NDC80: variants seen among roughly 807,000 people sequenced by gnomAD.
NDC80 encodes the protein NDC80 kinetochore complex component.
A neutral mutation model predicts 89.3 loss-of-function variants in NDC80; 69 were observed. The ratio of observed to expected loss-of-function variants is 0.77; its 90% CI spans 0.64 to 0.94. The LOEUF (loss-of-function observed/expected upper bound fraction) is 0.94. Ranked by LOEUF, NDC80 falls within the 40% of genes least tolerant of loss-of-function variation. The probability of loss-of-function intolerance (pLI) is 0.00; values close to 1 mark genes in which losing one functional copy is unlikely to be tolerated. For synonymous variants in NDC80, 243 were observed against 255.6 expected, an observed-to-expected ratio of 0.95 and a Z score of 0.47; for missense variants, 593 against 739.6, an observed-to-expected ratio of 0.80 and a Z score of 2.30.
At chr18:2,604,087 A>T (rs2072698165) in intron 13 of NDC80, among the ~76,000 whole-genome samples, 2 of 152,234 alleles carry the variant, frequency 1.3e-5, no homozygotes, top group Admixed American at 1.3e-4. Context: ...TTGAGTGCTT[A>T]TGTGCCTAGT....
At chr18:2,605,752 C>G (rs2072708230) in intron 13 of NDC80, among the ~76,000 whole-genome samples, 1 of 151,962 alleles carries the variant, frequency 6.6e-6, no homozygotes, top group Non-Finnish European at 1.5e-5. Flanking sequence ...ATACATTTTA[C>G]TCTTTTGTGT....
intron 16 of NDC80, among the ~76,000 whole-genome samples, chr18:2,612,276 CTTTTTTTTTTTTTTTTTT>C (rs55648444): frequency 9.9e-5 from 6 of 60,402 alleles, no homozygotes; most frequent in Non-Finnish European, 1.7e-4. Context: ...TCTTTTCTTT[CTTTTTTTTTTTTTTTTTT>C]TTTTTTTTTT....
At chr18:2,603,597 A>G (rs1568009277) in intron 13 of NDC80, among the ~76,000 whole-genome samples, 1 of 151,916 alleles carries the variant, frequency 6.6e-6, no homozygotes, top group Non-Finnish European at 1.5e-5. Context: ...AGTATTTTAA[A>G]ATAATTGCCA....
chr18:2,613,280 C>A (rs1428030009), intron 16 of NDC80, among the ~76,000 whole-genome samples: 3 of 152,334 alleles, frequency 2.0e-5, no homozygotes, highest in South Asian at 4.1e-4. Context: ...ATCTAGACTG[C>A]CAAGCCTAAA....
intron 10 of NDC80, among the ~76,000 whole-genome samples, chr18:2,592,510 C>T (rs752767002): frequency 6.6e-6 from 1 of 151,886 alleles, no homozygotes; most frequent in Non-Finnish European, 1.5e-5. Context: ...AGTGCACCAT[C>T]ATGCCCAGCT....
At chr18:2,593,443 A>T (rs2072638065) in intron 10 of NDC80, among the ~76,000 whole-genome samples, 1 of 152,218 alleles carries the variant, frequency 6.6e-6, no homozygotes, top group Non-Finnish European at 1.5e-5. Context: ...TTCACAGTGT[A>T]CTTTTACCTC....
At chr18:2,584,287 C>CAA (rs11297697) in intron 6 of NDC80, among the ~76,000 whole-genome samples, 11 of 98,404 alleles carry the variant, frequency 1.1e-4, no homozygotes, top group Non-Finnish European at 2.2e-4. Context: ...GACTCCGTCT[C>CAA]AAAAAAAAAA....
chr18:2,581,705 G>A (rs1761260403), intron 6 of NDC80, among the ~76,000 whole-genome samples: 1 of 152,132 alleles, frequency 6.6e-6, no homozygotes, highest in South Asian at 2.1e-4. Context: ...TCACTAGTAT[G>A]TTCTTAATTA....
chr18:2,601,127 G>GT (rs2072681973), intron 12 of NDC80, among the ~76,000 whole-genome samples: 1 of 152,154 alleles, frequency 6.6e-6, no homozygotes, highest in African/African-American at 2.4e-5. Context: ...CTTGTAAAAT[G>GT]TTTAAATAAT....
intron 13 of NDC80, 52 bp downstream of exon 13, chr18:2,601,537 C>A: frequency 3.6e-6 from 3 of 831,110 alleles, no homozygotes; most frequent in South Asian, 2.6e-5. Flanking sequence ...GATTTTAAAA[C>A]CTAAAATTAA....
At position 2,616,620 on chromosome 18, in the gene NDC80, G is replaced by A; in HGVS notation, c.*46G>A. The stretch of plus-strand genomic sequence containing the variant: ...ATATATATCCATAGTGAATAAAATT[G>A]TCTCAGTAAAGTGTATTTTTCTCTC... On this transcript the variant is annotated 3_prime_UTR_variant, in exon 17 of 17. Transcript: ENST00000261597. 9.1e-7 allele frequency: 1 copy of A among 1,095,928 alleles called. No individual in the cohort carries two copies. Among genetic ancestry groups the A allele is most frequent in the African/African-American group, 1.6e-5 (1 of 61,954 alleles). The allele number at this position is 1,095,928 out of a possible 1,614,324, so 67.9% of individuals were successfully genotyped here.
chr18:2,596,769 A>G (rs1282648711), intron 11 of NDC80, among the ~76,000 whole-genome samples: 2 of 151,930 alleles, frequency 1.3e-5, no homozygotes, highest in Non-Finnish European at 2.9e-5. Flanking sequence ...AAGACTTGGA[A>G]CCAACCCAAA....
chr18:2,614,586 A>G (rs1296529430), intron 16 of NDC80: 3 of 2,910 alleles, frequency 1.0e-3, no homozygotes, highest in Admixed American at 5.3e-3. Flanking sequence ...AGAAAGAAAG[A>G]AAGAAAGAAA....
rs60997707 is a variant in NDC80 at position 2,603,356 on chromosome 18, C to CATATATATATATATAT, written c.1464+1879_1464+1894dup. Among the ~76,000 whole-genome samples the CATATATATATATATAT allele has an allele frequency of 2.4e-3, 285 of 120,754 alleles. 7 individuals are homozygous for CATATATATATATATAT. Among genetic ancestry groups the CATATATATATATATAT allele is most frequent in the African/African-American group, 5.3e-3 (162 of 30,644 alleles). The allele number at this position is 120,754 out of a possible 152,430, so 79.2% of individuals were successfully genotyped here. A position where few individuals can be genotyped will look rare whatever the true frequency, so the allele number is the denominator to read the frequency against. On this transcript the variant is annotated intron_variant, in intron 13 of 16. Transcript: ENST00000261597. ...AACAACAGAAGAGAATATGTTTATA[C>CATATATATATATATAT]ATATATATATATATATATATATACA...
Position 2,589,311 on chromosome 18 carries a change from G to T in NDC80, c.870+1G>T. The T allele has an allele frequency of 1.2e-6, 2 of 1,605,166 alleles. No individual in the cohort carries two copies. Among genetic ancestry groups the T allele is most frequent in the Non-Finnish European group, 1.7e-6 (2 of 1,172,226 alleles). ...GGAACAAGAAAGAGAAAAAGAACCG[G>T]TTAGTAAACATGTTTACACACTTAC... is the stretch of plus-strand genomic sequence containing the variant. On this transcript the variant is annotated splice_donor_variant, in intron 9 of 16. Coordinates refer to ENST00000261597, the MANE Select transcript of NDC80 (RefSeq NM_006101.3). LOFTEE classifies it high-confidence loss of function.
intron 16 of NDC80, among the ~76,000 whole-genome samples, chr18:2,612,974 G>C (rs969337346): frequency 2.0e-5 from 3 of 152,192 alleles, no homozygotes; most frequent in Admixed American, 2.0e-4. Context: ...AATCAAGTTG[G>C]ACTAAAGAAA....
chr18:2,614,462 A>ATTT (rs1486613765), intron 16 of NDC80: 1 of 6,890 alleles, frequency 1.5e-4, no homozygotes, highest in African/African-American at 6.0e-4. Flanking sequence ...AAAGAAAGAA[A>ATTT]GAAAGAAAGA....
rs889531996 is a variant in NDC80, at chr18:2,616,476, T to C, written c.1831T>C (p.Tyr611His). 4.5e-6 allele frequency: 7 copies of C among 1,540,890 alleles called. No homozygotes were observed. Among genetic ancestry groups the C allele is most frequent in the Non-Finnish European group, 6.2e-6 (7 of 1,136,968 alleles). ...GCAGATTGCTAAAGTTGATAGAGAA[T>C]ATGAAGAATGCATGTCAGAAGATCT... ...EEQIAKVDRE[Y>H]EECMSEDLSE... Residue 611 changes from tyrosine to histidine, a missense_variant, in exon 17 of 17, where the codon TAT becomes CAT. Physicochemically the swap from Tyr to His is moderately conservative, Grantham distance 83 (BLOSUM62 2). Coordinates refer to ENST00000261597, the MANE Select transcript of NDC80 (RefSeq NM_006101.3).
chr18:2,577,921 A>G (rs2072555749), intron 4 of NDC80, 48 bp from the exon 5 acceptor site: 2 of 1,608,714 alleles, frequency 1.2e-6, no homozygotes, highest in Non-Finnish European at 1.7e-6. Context: ...GTATTTTCCA[A>G]TAATTTTCCA....
Sources: gnomAD v4.1 joint callset for allele counts (sites outside exome capture counted in the v4.1 genomes callset) on GRCh38, gnomAD v4.1.1 for gene constraint, MANE v1.5 for transcripts, NCBI Gene and HGNC (gene_info 2026-07-23, HGNC 2026-07-21) for gene names.